FOXP1: variants seen among roughly 807,000 people sequenced by gnomAD.
The protein encoded by FOXP1 is forkhead box P1, also known as forkhead box protein P1.
In FOXP1, 15 loss-of-function variants were observed where a neutral mutation model predicts 98.2. That is an observed-to-expected ratio of 0.15 (90% CI 0.10 to 0.24). FOXP1 has a LOEUF of 0.24. FOXP1 is among the 10% of genes least tolerant of loss of function. FOXP1 has a pLI of 1.00. For synonymous variants in FOXP1, 371 were observed against 314.5 expected, an observed-to-expected ratio of 1.18 and a Z score of -1.90; for missense variants, 633 against 848.5, an observed-to-expected ratio of 0.75 and a Z score of 3.15.
At chr3:71,432,791 A>G (rs1341240285) in intron 3 of FOXP1, among the ~76,000 whole-genome samples, 1 of 151,572 alleles carries the variant, frequency 6.6e-6, no homozygotes, top group Non-Finnish European at 1.5e-5. Context: ...GGAGCTCCTA[A>G]GTCAAGCCTT....
intron 3 of FOXP1, among the ~76,000 whole-genome samples, chr3:71,432,866 A>AAAAAAAAAAAAAAAAAAAAC (rs142495025): frequency 1.4e-5 from 2 of 138,462 alleles, no homozygotes; most frequent in Non-Finnish European, 1.6e-5. Flanking sequence ...AAAAAAAAAA[A>AAAAAAAAAAAAAAAAAAAAC]TTAAAAAAAA....
chr3:71,265,834 G>A (rs1003131691), intron 5 of FOXP1, among the ~76,000 whole-genome samples: 7 of 152,154 alleles, frequency 4.6e-5, no homozygotes, highest in African/African-American at 7.2e-5. Flanking sequence ...TTGGAATCAC[G>A]TAGGAGGGGG....
At chr3:71,545,429 A>C (rs1424870468) in intron 2 of FOXP1, among the ~76,000 whole-genome samples, 1 of 152,242 alleles carries the variant, frequency 6.6e-6, no homozygotes, top group African/African-American at 2.4e-5. Flanking sequence ...AAAATAAATG[A>C]ATCAGAGTTA....
chr3:71,341,479 A>G (rs901469150), intron 4 of FOXP1, among the ~76,000 whole-genome samples: 5 of 152,218 alleles, frequency 3.3e-5, no homozygotes, highest in Non-Finnish European at 5.9e-5. Context: ...CTATATTTAA[A>G]AAGAAGAGGC....
chr3:71,359,984 G>C (rs2078442672), intron 3 of FOXP1, among the ~76,000 whole-genome samples: 1 of 152,092 alleles, frequency 6.6e-6, no homozygotes, highest in African/African-American at 2.4e-5. Flanking sequence ...GTAGAGACAA[G>C]GTTTCACCAT....
chr3:71,451,042 C>T (rs752263932), intron 3 of FOXP1, among the ~76,000 whole-genome samples: 8 of 152,238 alleles, frequency 5.3e-5, no homozygotes, highest in Non-Finnish European at 1.2e-4. Flanking sequence ...TGTCAGCCAG[C>T]ACTGCTTTCA....
At chr3:71,515,451 A>AAAC (rs1553906431) in intron 2 of FOXP1, among the ~76,000 whole-genome samples, 26 of 151,150 alleles carry the variant, frequency 1.7e-4, no homozygotes, top group African/African-American at 6.3e-4. Context: ...AAAAAAAAAA[A>AAAC]AACTGCACAT....
intron 4 of FOXP1, among the ~76,000 whole-genome samples, chr3:71,327,523 G>A (rs1221795346): frequency 2.7e-5 from 4 of 150,178 alleles, no homozygotes; most frequent in African/African-American, 7.3e-5. Context: ...GAGTAGCTGG[G>A]ACTACAGGCG....
At chr3:71,368,626 A>T (rs893985341) in intron 3 of FOXP1, among the ~76,000 whole-genome samples, 1 of 152,188 alleles carries the variant, frequency 6.6e-6, no homozygotes, top group African/African-American at 2.4e-5. Flanking sequence ...CTGTCACATG[A>T]TAACTAATTT....
intron 3 of FOXP1, among the ~76,000 whole-genome samples, chr3:71,492,228 G>C (rs1241222406): frequency 6.6e-6 from 1 of 152,128 alleles, no homozygotes; most frequent in Non-Finnish European, 1.5e-5. Context: ...GAGACGGGCG[G>C]ATCACCTGAG....
chr3:70,956,628 T>C lies in FOXP1; in HGVS notation c.*2619A>G, dbSNP rs2031856447. On this transcript the variant is annotated 3_prime_UTR_variant, in exon 21 of 21. Coordinates refer to ENST00000649528, the MANE Select transcript of FOXP1 (RefSeq NM_001349338.3). Reference sequence around the variant, plus strand: ...TAATCTACCAGATTTTTATCCTCTTTTGAATACCAAACTAACCAGCAACCA... The same window carrying C: ...TAATCTACCAGATTTTTATCCTCTTCTGAATACCAAACTAACCAGCAACCA... The C allele has an allele frequency of 4.4e-6, 1 of 229,320 alleles. No individual in the cohort carries two copies. The allele number at this position is 229,320 out of a possible 1,614,324, so 14.2% of individuals were successfully genotyped here. A position where few individuals can be genotyped will look rare whatever the true frequency, so the allele number is the denominator to read the frequency against.
intron 11 of FOXP1, among the ~76,000 whole-genome samples, chr3:71,020,193 C>A (rs2045221786): frequency 6.6e-6 from 1 of 152,024 alleles, no homozygotes; most frequent in Non-Finnish European, 1.5e-5. Context: ...ATAGTGATAG[C>A]ATTTCAGATT....
intron 2 of FOXP1, among the ~76,000 whole-genome samples, chr3:71,509,920 T>C (rs894616523): frequency 6.6e-6 from 1 of 152,148 alleles, no homozygotes; most frequent in Admixed American, 6.5e-5. Flanking sequence ...GGCTCACGCC[T>C]GTAATCCCAG....
chr3:71,311,716 A>G (rs2704803), intron 4 of FOXP1, among the ~76,000 whole-genome samples: 152,295 of 152,336 alleles, frequency 1, 76,127 homozygotes, highest in Middle Eastern at 1. Context: ...CCCACATCCC[A>G]ACTTTATTAG....
chr3:71,195,605 T>C (rs775134898), intron 6 of FOXP1, among the ~76,000 whole-genome samples: 3 of 152,198 alleles, frequency 2.0e-5, no homozygotes, highest in Non-Finnish European at 4.4e-5. Context: ...GTTGTCTTTG[T>C]ACTACGGAAT....
chr3:71,088,469 GCTCACTCTAGGTGC>G (rs1014520816), intron 7 of FOXP1, among the ~76,000 whole-genome samples: 58 of 149,572 alleles, frequency 3.9e-4, no homozygotes, highest in African/African-American at 1.3e-3. Flanking sequence ...TTTCTCTGCT[GCTCACTCTAGGTGC>G]CTCACTCTAG....
At chr3:71,547,002 C>T (rs971032127) in intron 2 of FOXP1, among the ~76,000 whole-genome samples, 2 of 152,088 alleles carry the variant, frequency 1.3e-5, no homozygotes, top group African/African-American at 4.8e-5. Flanking sequence ...TTGCTTGCTA[C>T]GAAGACAAAA....
At chr3:71,205,295 C>G (rs988209483) in intron 5 of FOXP1, among the ~76,000 whole-genome samples, 2 of 152,050 alleles carry the variant, frequency 1.3e-5, no homozygotes, top group Non-Finnish European at 2.9e-5. Context: ...ATATGAGGGC[C>G]AAAACTGAAC....
chr3:71,092,859 C>T lies in FOXP1; in HGVS notation c.282+19677G>A, dbSNP rs138403211. 2.7e-4 allele frequency among the ~76,000 whole-genome samples: 41 copies of T among 151,984 alleles called. No homozygotes were observed. In the South Asian group the frequency reaches 3.7e-3, roughly 14 times the overall value. On this transcript the variant is annotated intron_variant, in intron 7 of 20. Coordinates refer to ENST00000649528, the MANE Select transcript of FOXP1 (RefSeq NM_001349338.3). ...AGTAAAAGAAGGATATAGAGAGACA[C>T]GTGACAAAGAGTTGCACAGATATAC... is the stretch of plus-strand genomic sequence containing the variant.
Sources: gnomAD v4.1 joint callset for allele counts (sites outside exome capture counted in the v4.1 genomes callset) on GRCh38, gnomAD v4.1.1 for gene constraint, MANE v1.5 for transcripts, NCBI Gene and HGNC (gene_info 2026-07-23, HGNC 2026-07-21) for gene names.